Variants in CAMKMT observed in about 807,000 individuals in gnomAD.
CAMKMT encodes the protein CaM KMT.
In CAMKMT, 53 loss-of-function variants were observed where a neutral mutation model predicts 48.0. The observed-to-expected ratio is 1.10, with a 90% CI of 0.89 to 1.39. The LOEUF (loss-of-function observed/expected upper bound fraction) is 1.39. Among genes scored for constraint, CAMKMT ranks in the 40% most tolerant of loss-of-function variants. The pLI, the probability that CAMKMT is intolerant of heterozygous loss-of-function variation, is 0.00. For synonymous variants in CAMKMT, 165 were observed against 152.3 expected, an observed-to-expected ratio of 1.08 and a Z score of -0.61; for missense variants, 428 against 402.7, an observed-to-expected ratio of 1.06 and a Z score of -0.54.
chr2:44,426,311 C>T (rs1331716292), intron 3 of CAMKMT, among the ~76,000 whole-genome samples: 2 of 152,090 alleles, frequency 1.3e-5, no homozygotes, highest in Admixed American at 6.5e-5. Flanking sequence ...CACTCCTATT[C>T]AATTTAGTAC....
At chr2:44,493,221 G>A (rs960052005) in intron 3 of CAMKMT, among the ~76,000 whole-genome samples, 4 of 151,906 alleles carry the variant, frequency 2.6e-5, no homozygotes, top group African/African-American at 9.7e-5. Context: ...TTAAGCACTG[G>A]TCAACAGGAA....
intron 3 of CAMKMT, among the ~76,000 whole-genome samples, chr2:44,510,117 G>A (rs1180944658): frequency 1.3e-5 from 2 of 152,102 alleles, no homozygotes; most frequent in African/African-American, 2.4e-5. Flanking sequence ...GCTCTACAGA[G>A]CTTATTCAAA....
At chr2:44,632,056 T>A (rs976230258) in intron 3 of CAMKMT, among the ~76,000 whole-genome samples, 5 of 152,164 alleles carry the variant, frequency 3.3e-5, no homozygotes, top group Non-Finnish European at 5.9e-5. Flanking sequence ...ACACTGGCAT[T>A]ATTTTTTCTT....
chr2:44,551,817 G>A (rs1667731233), intron 3 of CAMKMT, among the ~76,000 whole-genome samples: 1 of 152,068 alleles, frequency 6.6e-6, no homozygotes, highest in South Asian at 2.1e-4. Context: ...ATAGTCCTGA[G>A]AATCACATAA....
At chr2:44,758,035 G>A (rs1282762696) in intron 9 of CAMKMT, among the ~76,000 whole-genome samples, 2 of 152,220 alleles carry the variant, frequency 1.3e-5, no homozygotes, top group African/African-American at 4.8e-5. Flanking sequence ...TACTGGTTCT[G>A]GGAGGATTGC....
At chr2:44,678,151 C>A (rs1675820235) in intron 3 of CAMKMT, among the ~76,000 whole-genome samples, 1 of 152,000 alleles carries the variant, frequency 6.6e-6, no homozygotes, top group Non-Finnish European at 1.5e-5. Flanking sequence ...ACAAAAACAC[C>A]AACAAAACCC....
chr2:44,597,629 TTAAA>T (rs1437245328), intron 3 of CAMKMT, among the ~76,000 whole-genome samples: 5 of 152,240 alleles, frequency 3.3e-5, no homozygotes, highest in Non-Finnish European at 4.4e-5. Flanking sequence ...TACAAGTGTG[TTAAA>T]TAAAATCCAA....
At chr2:44,469,933 AT>A (rs1419602509) in intron 3 of CAMKMT, among the ~76,000 whole-genome samples, 1 of 151,096 alleles carries the variant, frequency 6.6e-6, no homozygotes, top group African/African-American at 2.4e-5. Flanking sequence ...GGGTTTTCTA[AT>A]TCTGATTTAT....
At position 44,766,466 on chromosome 2, in the gene CAMKMT, A is replaced by G. The variant is rs754054502; in HGVS notation, c.799A>G (p.Thr267Ala). The change falls in exon 10 of 11, where the codon ACT becomes GCT. Residue 267 changes from threonine to alanine, a missense_variant. By Grantham distance (58) the Thr-to-Ala change is moderately conservative (BLOSUM62 0). Transcript: ENST00000378494. Reference sequence around the variant, plus strand: ...GGTATTTGCCCCACGCCGAGGGAATACTTTAAACCAGTTTTGCAATCTAGC... The same window carrying G: ...GGTATTTGCCCCACGCCGAGGGAATGCTTTAAACCAGTTTTGCAATCTAGC... The part of the protein sequence containing the change: ...AMVFAPRRGN[T>A]LNQFCNLAEK... The G allele has an allele frequency of 3.1e-6, 5 of 1,614,190 alleles. No individual in the cohort carries two copies. The highest frequency in any genetic ancestry group is 4.2e-6 in the Non-Finnish European group (5 of 1,180,024).
At chr2:44,527,354 A>T (rs1251212315) in intron 3 of CAMKMT, among the ~76,000 whole-genome samples, 1 of 143,420 alleles carries the variant, frequency 7.0e-6, no homozygotes, top group African/African-American at 2.6e-5. Context: ...ATACATATAT[A>T]ATATATATAC....
chr2:44,760,299 G>A (rs1421750152), intron 9 of CAMKMT, among the ~76,000 whole-genome samples: 3 of 152,014 alleles, frequency 2.0e-5, no homozygotes, highest in African/African-American at 7.3e-5. Context: ...GTGTGTTTTG[G>A]GATCAACAAG....
At chr2:44,534,799 A>G (rs1416865270) in intron 3 of CAMKMT, among the ~76,000 whole-genome samples, 1 of 151,084 alleles carries the variant, frequency 6.6e-6, no homozygotes, top group Non-Finnish European at 1.5e-5. Context: ...TAAATAATCT[A>G]GCAATGCACC....
At chr2:44,601,236 C>G (rs1670969105) in intron 3 of CAMKMT, among the ~76,000 whole-genome samples, 1 of 152,036 alleles carries the variant, frequency 6.6e-6, no homozygotes, top group Admixed American at 6.5e-5. Context: ...ATGGGCAGAT[C>G]ACCTGAGGTG....
intron 3 of CAMKMT, among the ~76,000 whole-genome samples, chr2:44,597,825 C>G (rs1349078080): frequency 6.6e-6 from 1 of 152,126 alleles, no homozygotes; most frequent in Non-Finnish European, 1.5e-5. Context: ...CAACCTTCAC[C>G]TCCCTGGTTC....
intron 3 of CAMKMT, among the ~76,000 whole-genome samples, chr2:44,476,599 C>A (rs1210906626): frequency 6.6e-6 from 1 of 150,786 alleles, no homozygotes; most frequent in Non-Finnish European, 1.5e-5. Context: ...TAAAAAAAAA[C>A]TTTATATGTT....
chr2:44,421,906 G>A (rs1442697990), intron 3 of CAMKMT, among the ~76,000 whole-genome samples: 1 of 152,146 alleles, frequency 6.6e-6, no homozygotes, highest in Non-Finnish European at 1.5e-5. Flanking sequence ...AAATTCATTG[G>A]ATATCAAGCA....
intron 3 of CAMKMT, among the ~76,000 whole-genome samples, chr2:44,659,576 A>G (rs1674571290): frequency 6.6e-6 from 1 of 151,972 alleles, no homozygotes; most frequent in Non-Finnish European, 1.5e-5. Flanking sequence ...CAAAAAAAAA[A>G]AAAAGAAAAA....
At chr2:44,672,872 A>G (rs758761720) in intron 3 of CAMKMT, among the ~76,000 whole-genome samples, 3 of 152,172 alleles carry the variant, frequency 2.0e-5, no homozygotes, top group Non-Finnish European at 4.4e-5. Flanking sequence ...GATGAATTCT[A>G]TTTTTAGCTA....
chr2:44,715,854 G>C (rs1259363832), intron 7 of CAMKMT, among the ~76,000 whole-genome samples: 1 of 152,162 alleles, frequency 6.6e-6, no homozygotes, highest in East Asian at 1.9e-4. Context: ...GTACAACAAA[G>C]AAACATCTGG....
Sources: allele counts gnomAD v4.1 joint callset (sites outside exome capture counted in the v4.1 genomes callset), GRCh38; gene constraint gnomAD v4.1.1; transcripts MANE v1.5; gene names NCBI Gene and HGNC (gene_info 2026-07-23, HGNC 2026-07-21).